The following COL21A1 variants were observed in gnomAD, a reference collection of about 807,000 sequenced individuals.
COL21A1 encodes collagen type XXI alpha 1 chain, also known as collagen alpha-1(XXI) chain.
A neutral mutation model predicts 137.9 loss-of-function variants in COL21A1; 149 were observed. The ratio of observed to expected loss-of-function variants is 1.08; its 90% CI spans 0.95 to 1.24. The LOEUF (loss-of-function observed/expected upper bound fraction) is 1.24. Ranked by LOEUF, COL21A1 falls within the 50% of genes most tolerant of loss-of-function variation. The probability of loss-of-function intolerance (pLI) is 0.00; values close to 1 mark genes in which losing one functional copy is unlikely to be tolerated. For synonymous variants in COL21A1, 456 were observed against 391.5 expected, an observed-to-expected ratio of 1.16 and a Z score of -1.95; for missense variants, 1,167 against 1,158.4, an observed-to-expected ratio of 1.01 and a Z score of -0.11.
chr6:56,240,013 G>A (rs1222461297), intron 1 of COL21A1, among the ~76,000 whole-genome samples: 2 of 152,100 alleles, frequency 1.3e-5, no homozygotes, highest in African/African-American at 2.4e-5. Flanking sequence ...GGTTGAATAA[G>A]TCTCAGGAAT....
At chr6:56,349,546 A>C (rs943035056) in intron 1 of COL21A1, among the ~76,000 whole-genome samples, 2 of 152,246 alleles carry the variant, frequency 1.3e-5, no homozygotes, top group African/African-American at 4.8e-5. Flanking sequence ...TACATGTTTA[A>C]ATTCATTAAA....
chr6:56,158,399 A>G (rs1775950863), intron 9 of COL21A1, among the ~76,000 whole-genome samples: 2 of 150,236 alleles, frequency 1.3e-5, no homozygotes, highest in African/African-American at 2.4e-5. Context: ...CAGCCTCCCA[A>G]GTAGCTGGGG....
chr6:56,303,637 A>G (rs1361960716), intron 1 of COL21A1, among the ~76,000 whole-genome samples: 6 of 152,126 alleles, frequency 3.9e-5, no homozygotes, highest in African/African-American at 9.7e-5. Context: ...TGGGGCTGAG[A>G]CCACGGGGTT....
intron 9 of COL21A1, among the ~76,000 whole-genome samples, chr6:56,161,529 A>C (rs915378190): frequency 2.0e-5 from 3 of 152,194 alleles, no homozygotes; most frequent in African/African-American, 7.2e-5. Flanking sequence ...TTTAACAAAA[A>C]GTATTACTAT....
chr6:56,225,693 C>A (rs1002145288), intron 1 of COL21A1, among the ~76,000 whole-genome samples: 3 of 151,784 alleles, frequency 2.0e-5, no homozygotes, highest in Non-Finnish European at 4.4e-5. Context: ...ATATTCATGG[C>A]CTTTAATTTT....
intron 1 of COL21A1, among the ~76,000 whole-genome samples, chr6:56,252,650 G>T (rs1320155370): frequency 6.6e-6 from 1 of 152,128 alleles, no homozygotes; most frequent in African/African-American, 2.4e-5. Flanking sequence ...GATGTATAAA[G>T]ACAGTGAGTT....
intron 16 of COL21A1, among the ~76,000 whole-genome samples, chr6:56,122,259 G>A (rs1055636792): frequency 1.3e-5 from 2 of 151,846 alleles, no homozygotes; most frequent in African/African-American, 4.8e-5. Context: ...TTTAATGTAC[G>A]GGTAGTAGCT....
chr6:56,371,272 G>A (rs2093988064), intron 1 of COL21A1, among the ~76,000 whole-genome samples: 1 of 152,220 alleles, frequency 6.6e-6, no homozygotes, highest in South Asian at 2.1e-4. Flanking sequence ...TCCTAATGCA[G>A]AAAGAGGATT....
intron 1 of COL21A1, among the ~76,000 whole-genome samples, chr6:56,232,915 G>A (rs1001641221): frequency 3.3e-5 from 5 of 151,866 alleles, no homozygotes; most frequent in Admixed American, 3.3e-4. Context: ...CAACTCCATA[G>A]CCTATATTGC....
intron 1 of COL21A1, among the ~76,000 whole-genome samples, chr6:56,257,257 T>C (rs913154357): frequency 6.6e-6 from 1 of 152,222 alleles, no homozygotes. Flanking sequence ...GGCAGGGTAC[T>C]ATGGAGCTTA....
intron 9 of COL21A1, among the ~76,000 whole-genome samples, chr6:56,158,246 G>GTTTTGTCTTGTTT (rs1775907624): frequency 1.0e-5 from 1 of 98,994 alleles, no homozygotes. Context: ...TCACTCGTGG[G>GTTTTGTCTTGTTT]TTTTTTCTTT....
intron 1 of COL21A1, among the ~76,000 whole-genome samples, chr6:56,269,446 G>A (rs1763470763): frequency 6.6e-6 from 1 of 151,742 alleles, no homozygotes; most frequent in African/African-American, 2.4e-5. Flanking sequence ...ACGAGGTCAG[G>A]AGATCGAGAC....
At chr6:56,085,574 CTGAT>C (rs1768162913) in intron 17 of COL21A1, among the ~76,000 whole-genome samples, 2 of 152,016 alleles carry the variant, frequency 1.3e-5, no homozygotes, top group Non-Finnish European at 2.9e-5. Flanking sequence ...ATCACTAAAA[CTGAT>C]TGTTCTCCTC....
chr6:56,128,442 G>GT (rs1773226454), intron 12 of COL21A1, among the ~76,000 whole-genome samples: 1 of 152,134 alleles, frequency 6.6e-6, no homozygotes, highest in Non-Finnish European at 1.5e-5. Context: ...GAATCTCTCC[G>GT]TGGGTAGAGT....
chr6:56,276,395 T>G lies in COL21A1; in HGVS notation c.-38-93739A>C. 7 of 553,348 alleles carry G rather than the reference T, an allele frequency of 1.3e-5. 1 individual carries two copies. The South Asian group carries it at 1.6e-4, about 12-fold the overall frequency. The allele number at this position is 553,348 out of a possible 1,614,324, so 34.3% of individuals were successfully genotyped here. On this transcript the variant is annotated intron_variant, in intron 1 of 28. Coordinates refer to the COL21A1 transcript ENST00000370819. ...CATCTCAAATAAAAGTTGAAATAATTTTTAAAAAGGTTTCCTGTTTTGATC... is the reference window on the plus strand; with the variant it reads ...CATCTCAAATAAAAGTTGAAATAATGTTTAAAAAGGTTTCCTGTTTTGATC...
At chr6:56,097,983 AAAT>A in intron 17 of COL21A1, among the ~76,000 whole-genome samples, 1 of 66,164 alleles carries the variant, frequency 1.5e-5, no homozygotes, top group East Asian at 4.6e-4. Context: ...AAATATATAT[AAAT>A]ATATATGTAA....
chr6:56,221,261 A>G (rs540488682), intron 1 of COL21A1, among the ~76,000 whole-genome samples: 1 of 152,220 alleles, frequency 6.6e-6, no homozygotes, highest in South Asian at 2.1e-4. Context: ...GAAATCACTG[A>G]TTTAGTCAAT....
chr6:56,057,934 A>G, intron 29 of COL21A1, 90 bp from the exon 30 acceptor site: 1 of 873,980 alleles, frequency 1.1e-6, no homozygotes, highest in East Asian at 3.1e-5. Context: ...AACTGAAAAA[A>G]AAAACCTTGA....
chr6:56,194,929 C>T (rs1778925946), intron 1 of COL21A1, among the ~76,000 whole-genome samples: 2 of 152,116 alleles, frequency 1.3e-5, no homozygotes, highest in African/African-American at 2.4e-5. Flanking sequence ...TCTGCCTTTT[C>T]GAATGGGTTA....
Sources: gnomAD v4.1 joint callset for allele counts (sites outside exome capture counted in the v4.1 genomes callset) on GRCh38, gnomAD v4.1.1 for gene constraint, MANE v1.5 for transcripts, NCBI Gene and HGNC (gene_info 2026-07-23, HGNC 2026-07-21) for gene names.